Variants in GPC6 observed in about 807,000 individuals in gnomAD.
The protein encoded by GPC6 is glypican-6.
Under a neutral mutation model 55.2 loss-of-function variants are expected in GPC6, and 14 were observed. The observed-to-expected ratio is 0.25, with a 90% CI of 0.17 to 0.40. The LOEUF (loss-of-function observed/expected upper bound fraction) is 0.40, where lower values mean the gene tolerates loss of function less well. Ranked by LOEUF, GPC6 falls within the 10% of genes least tolerant of loss-of-function variation. GPC6 has a pLI of 1.00. For missense variants in GPC6, 641 were observed against 708.5 expected (o/e 0.90, Z 1.08); for synonymous variants, 278 against 259.6 (o/e 1.07, Z -0.68).
chr13:93,879,058 TC>T (rs1320808259), intron 3 of GPC6, among the ~76,000 whole-genome samples: 7 of 151,970 alleles, frequency 4.6e-5, no homozygotes, highest in Non-Finnish European at 1.0e-4. Context: ...GCAAGAAACT[TC>T]CCTTCTCACT....
At chr13:93,381,301 A>G (rs547372289) in intron 1 of GPC6, among the ~76,000 whole-genome samples, 180 of 152,258 alleles carry the variant, frequency 1.2e-3, no homozygotes, top group African/African-American at 4.1e-3. Context: ...TGATAGTGTC[A>G]TTGCTCAAGG....
intron 4 of GPC6, among the ~76,000 whole-genome samples, chr13:94,064,829 T>C (rs998921057): frequency 2.6e-5 from 4 of 152,174 alleles, no homozygotes; most frequent in Admixed American, 6.5e-5. Context: ...AAATAGACAT[T>C]GTCATAATTT....
At chr13:94,248,204 A>G (rs940355370) in intron 4 of GPC6, among the ~76,000 whole-genome samples, 1 of 152,058 alleles carries the variant, frequency 6.6e-6, no homozygotes, top group Admixed American at 6.6e-5. Flanking sequence ...TGAAATTTGC[A>G]TTTTCCCTCA....
At chr13:93,783,495 G>A (rs573702610) in intron 2 of GPC6, among the ~76,000 whole-genome samples, 51 of 152,200 alleles carry the variant, frequency 3.4e-4, no homozygotes, top group African/African-American at 1.0e-3. Context: ...AGCATCTGTT[G>A]TTTCTTGACT....
chr13:94,338,356 A>G (rs9524444), intron 6 of GPC6, among the ~76,000 whole-genome samples: 15,441 of 152,258 alleles, frequency 0.1, 918 homozygotes, highest in African/African-American at 0.15. Context: ...AGGAGCAGAG[A>G]TGACCAATCC....
chr13:93,376,178 G>A (rs1953092533), intron 1 of GPC6, among the ~76,000 whole-genome samples: 1 of 151,842 alleles, frequency 6.6e-6, no homozygotes, highest in African/African-American at 2.4e-5. Flanking sequence ...CAAGGTCAGA[G>A]GAGACCCCTT....
intron 2 of GPC6, among the ~76,000 whole-genome samples, chr13:93,661,204 CT>C (rs1350610314): frequency 6.6e-6 from 1 of 151,860 alleles, no homozygotes; most frequent in Non-Finnish European, 1.5e-5. Flanking sequence ...TTTTCCTTTT[CT>C]TTTTTATTTA....
At chr13:93,734,227 T>A (rs1883922344) in intron 2 of GPC6, among the ~76,000 whole-genome samples, 1 of 152,278 alleles carries the variant, frequency 6.6e-6, no homozygotes, top group South Asian at 2.1e-4. Flanking sequence ...TCTTCAAAAC[T>A]CAAATTTGGA....
chr13:93,370,496 G>A (rs567621401), intron 1 of GPC6, among the ~76,000 whole-genome samples: 1 of 152,208 alleles, frequency 6.6e-6, no homozygotes, highest in African/African-American at 2.4e-5. Context: ...AAGTACAGAA[G>A]ATCCAACTCA....
Position 93,384,220 on chromosome 13 carries a change from G to C in GPC6, c.160+156604G>C, listed in dbSNP as rs551292640. The stretch of plus-strand genomic sequence containing the variant: ...GATTGATATTTATTCAGATATCTAA[G>C]AGATTTTTTTAAAGTGGCTACATCC... On this transcript the variant is annotated intron_variant, in intron 1 of 8. Transcript: ENST00000377047. Among the ~76,000 whole-genome samples, 3 of 152,202 alleles carry C rather than the reference G, an allele frequency of 2.0e-5. No individual in the cohort carries two copies. The South Asian group carries it at 6.2e-4, about 32-fold the overall frequency.
chr13:93,485,079 C>T (rs893204893), intron 1 of GPC6, among the ~76,000 whole-genome samples: 1 of 152,118 alleles, frequency 6.6e-6, no homozygotes, highest in Non-Finnish European at 1.5e-5. Context: ...GGCAGTTAGC[C>T]CCCCCTGGAG....
chr13:93,783,743 A>T (rs182055509), intron 2 of GPC6, among the ~76,000 whole-genome samples: 1 of 152,248 alleles, frequency 6.6e-6, no homozygotes, highest in East Asian at 1.9e-4. Context: ...ATATCCTATC[A>T]TGCAGCCTAC....
intron 6 of GPC6, among the ~76,000 whole-genome samples, chr13:94,366,964 G>A (rs984086832): frequency 1.3e-5 from 2 of 152,238 alleles, no homozygotes; most frequent in Non-Finnish European, 2.9e-5. Context: ...GCCAAGAGAG[G>A]AGGAAGAATA....
chr13:93,812,528 A>C (rs1886729897), intron 2 of GPC6, among the ~76,000 whole-genome samples: 1 of 152,194 alleles, frequency 6.6e-6, no homozygotes, highest in South Asian at 2.1e-4. Context: ...TTTTCTAATC[A>C]AGGATATCAC....
Position 93,341,576 on chromosome 13 carries a change from C to T in GPC6, c.160+113960C>T, listed in dbSNP as rs140162804. On this transcript the variant is annotated intron_variant, in intron 1 of 8. Coordinates refer to ENST00000377047, the MANE Select transcript of GPC6 (RefSeq NM_005708.5). ...GAAATATCTATTCATGTCCTTTGCC[C>T]ACTTTTTGATGGAGTTATTTGTTTT... Among the ~76,000 whole-genome samples, 935 of 152,224 alleles carry T rather than the reference C, an allele frequency of 6.1e-3. 4 individuals are homozygous for T. The highest frequency in any genetic ancestry group is 9.8e-3 in the Non-Finnish European group (669 of 68,012).
chr13:93,890,715 A>ATTTTT (rs757639517), intron 3 of GPC6, among the ~76,000 whole-genome samples: 2 of 126,414 alleles, frequency 1.6e-5, no homozygotes, highest in East Asian at 2.1e-4. Context: ...AATTTTACTT[A>ATTTTT]ATTTTTTTTT....
At chr13:93,777,337 T>A (rs546226001) in intron 2 of GPC6, among the ~76,000 whole-genome samples, 2 of 152,210 alleles carry the variant, frequency 1.3e-5, no homozygotes, top group Non-Finnish European at 2.9e-5. Context: ...ACTAGCAACA[T>A]TAACTAAACC....
At chr13:93,604,958 C>G (rs1453345912) in intron 2 of GPC6, among the ~76,000 whole-genome samples, 2 of 152,142 alleles carry the variant, frequency 1.3e-5, no homozygotes, top group Non-Finnish European at 2.9e-5. Flanking sequence ...GGATTTTGAA[C>G]TCAAGCTGCT....
intron 1 of GPC6, among the ~76,000 whole-genome samples, chr13:93,283,346 T>C (rs1375841841): frequency 1.3e-5 from 2 of 152,194 alleles, no homozygotes; most frequent in Non-Finnish European, 2.9e-5. Flanking sequence ...AACAAAATGT[T>C]AAGGTAAGGT....
Sources: allele counts gnomAD v4.1 joint callset (sites outside exome capture counted in the v4.1 genomes callset), GRCh38; gene constraint gnomAD v4.1.1; transcripts MANE v1.5; gene names NCBI Gene and HGNC (gene_info 2026-07-23, HGNC 2026-07-21).